KCNIP1: variants seen among roughly 807,000 people sequenced by gnomAD.
KCNIP1 encodes the protein potassium voltage-gated channel interacting protein 1, also known as A-type potassium channel modulatory protein KCNIP1.
KCNIP1 carries 18 observed loss-of-function variants against 33.0 expected under a neutral mutation model. That is an observed-to-expected ratio of 0.55 (90% CI 0.38 to 0.81). The LOEUF is 0.81. KCNIP1 is among the 30% of genes least tolerant of loss of function. The probability of loss-of-function intolerance (pLI) is 0.00; values close to 1 mark genes in which losing one functional copy is unlikely to be tolerated. For synonymous variants in KCNIP1, 93 were observed against 98.3 expected, an observed-to-expected ratio of 0.95 and a Z score of 0.32; for missense variants, 238 against 271.6, an observed-to-expected ratio of 0.88 and a Z score of 0.87.
At chr5:170,582,960 T>C (rs1757851504) in intron 1 of KCNIP1, among the ~76,000 whole-genome samples, 1 of 152,236 alleles carries the variant, frequency 6.6e-6, no homozygotes, top group South Asian at 2.1e-4. Context: ...ACTGATTAAA[T>C]GTATTTGACA....
At chr5:170,708,394 A>G (rs1763331569) in intron 1 of KCNIP1, among the ~76,000 whole-genome samples, 1 of 152,234 alleles carries the variant, frequency 6.6e-6, no homozygotes, top group Admixed American at 6.5e-5. Context: ...CTAGGAATAC[A>G]ATTTCAAGAG....
At chr5:170,453,053 G>C (rs964401791) in intron 1 of KCNIP1, among the ~76,000 whole-genome samples, 4 of 152,216 alleles carry the variant, frequency 2.6e-5, no homozygotes, top group Admixed American at 6.5e-5. Flanking sequence ...CACTTTGGCA[G>C]TTTAAATTAT....
chr5:170,541,763 G>C (rs146937233), intron 1 of KCNIP1, among the ~76,000 whole-genome samples: 2 of 151,908 alleles, frequency 1.3e-5, no homozygotes, highest in South Asian at 2.1e-4. Context: ...GTTCTGCCAT[G>C]TACAGGCTGA....
At chr5:170,478,243 C>T (rs753801186) in intron 1 of KCNIP1, among the ~76,000 whole-genome samples, 1 of 152,156 alleles carries the variant, frequency 6.6e-6, no homozygotes, top group Non-Finnish European at 1.5e-5. Context: ...TCATTTGATA[C>T]CTTTTGTAAG....
At chr5:170,410,417 C>T (rs1755154847) in intron 1 of KCNIP1, among the ~76,000 whole-genome samples, 1 of 149,708 alleles carries the variant, frequency 6.7e-6, no homozygotes, top group East Asian at 2.0e-4. Context: ...ATGGGTGCAC[C>T]GGGTCCCCCA....
intron 1 of KCNIP1, among the ~76,000 whole-genome samples, chr5:170,717,492 A>T (rs1001643896): frequency 1.3e-5 from 2 of 152,180 alleles, no homozygotes; most frequent in Non-Finnish European, 2.9e-5. Flanking sequence ...GCACATGAGA[A>T]AGATGGCAAT....
At chr5:170,376,416 G>A (rs920971750) in intron 1 of KCNIP1, 2 of 151,830 alleles carry the variant, frequency 1.3e-5, no homozygotes, top group Non-Finnish European at 2.9e-5. Flanking sequence ...GCCCACCTCG[G>A]CCTCCCAAAG....
chr5:170,719,830 C>T (rs995271006), intron 2 of KCNIP1, among the ~76,000 whole-genome samples: 10 of 152,108 alleles, frequency 6.6e-5, no homozygotes, highest in Admixed American at 4.6e-4. Context: ...AGTGGGCAGC[C>T]GAGTTGGAGA....
Position 170,735,862 on chromosome 5 carries a change from A to T in KCNIP1, c.*56A>T. On this transcript the variant is annotated 3_prime_UTR_variant, in exon 8 of 8. Coordinates refer to ENST00000328939, the MANE Select transcript of KCNIP1 (RefSeq NM_014592.4). ...GACATTGTACTAAACAACCACCTTAACACCCTGATCTGCCCTTGTTCTGAT... is the reference window on the plus strand; with the variant it reads ...GACATTGTACTAAACAACCACCTTATCACCCTGATCTGCCCTTGTTCTGAT... 1 of 1,453,576 alleles carries T rather than the reference A, an allele frequency of 6.9e-7. No homozygotes were observed. Among genetic ancestry groups the T allele is most frequent in the Non-Finnish European group, 9.7e-7 (1 of 1,035,070 alleles). 90.0% of individuals were successfully genotyped at this position (1,453,576 alleles called of 1,614,324 possible).
At chr5:170,527,423 T>G (rs1473965092) in intron 1 of KCNIP1, among the ~76,000 whole-genome samples, 1 of 151,944 alleles carries the variant, frequency 6.6e-6, no homozygotes, top group African/African-American at 2.4e-5. Context: ...TGGGTGAGAA[T>G]TCTCCAGACC....
intron 1 of KCNIP1, among the ~76,000 whole-genome samples, chr5:170,379,826 C>T (rs1007346722): frequency 3.3e-5 from 5 of 151,982 alleles, no homozygotes; most frequent in Non-Finnish European, 5.9e-5. Context: ...TGGTGGTGTA[C>T]CTGTAGTCCC....
chr5:170,594,535 G>C (rs989686460), intron 1 of KCNIP1, among the ~76,000 whole-genome samples: 5 of 152,112 alleles, frequency 3.3e-5, no homozygotes, highest in Non-Finnish European at 5.9e-5. Context: ...GTTTGAGACA[G>C]AGTCTCGCTC....
chr5:170,477,335 T>C (rs776077530), intron 1 of KCNIP1, among the ~76,000 whole-genome samples: 13 of 151,218 alleles, frequency 8.6e-5, no homozygotes, highest in South Asian at 2.1e-4. Flanking sequence ...TATATATATA[T>C]ACACATATAT....
At chr5:170,362,868 G>A (rs56186351) in intron 1 of KCNIP1, among the ~76,000 whole-genome samples, 25,828 of 152,198 alleles carry the variant, frequency 0.17, 2,284 homozygotes, top group Admixed American at 0.19. Flanking sequence ...ACTGCTCGGT[G>A]TCTGCAAAAC....
intron 1 of KCNIP1, among the ~76,000 whole-genome samples, chr5:170,429,027 G>A (rs1755681406): frequency 6.6e-6 from 1 of 152,090 alleles, no homozygotes; most frequent in African/African-American, 2.4e-5. Flanking sequence ...GGAGGCAGAG[G>A]TTGCGGTGAG....
At chr5:170,445,770 T>C (rs1371469854) in intron 1 of KCNIP1, among the ~76,000 whole-genome samples, 1 of 152,218 alleles carries the variant, frequency 6.6e-6, no homozygotes. Flanking sequence ...AGAGATCTCC[T>C]TGGATCTAAA....
At chr5:170,365,092 G>A (rs746547970) in intron 1 of KCNIP1, among the ~76,000 whole-genome samples, 11 of 152,160 alleles carry the variant, frequency 7.2e-5, no homozygotes, top group Non-Finnish European at 1.5e-4. Flanking sequence ...GTGAGGGCAG[G>A]GAATTTTGCC....
intron 1 of KCNIP1, among the ~76,000 whole-genome samples, chr5:170,367,375 AAGAAAGAAAGAAAGAAAG>A (rs1763700618): frequency 8.3e-6 from 1 of 120,362 alleles, no homozygotes; most frequent in African/African-American, 3.5e-5. Flanking sequence ...GAAAGAAAGA[AAGAAAGAAAGAAAGAAAG>A]AAAGAAAGAA....
chr5:170,398,245 G>A (rs1378926427), intron 1 of KCNIP1, among the ~76,000 whole-genome samples: 1 of 152,148 alleles, frequency 6.6e-6, no homozygotes, highest in East Asian at 1.9e-4. Flanking sequence ...AGATGGTTGG[G>A]AGGACCTTAA....
Sources: allele counts gnomAD v4.1 joint callset (sites outside exome capture counted in the v4.1 genomes callset), GRCh38; gene constraint gnomAD v4.1.1; transcripts MANE v1.5; gene names NCBI Gene and HGNC (gene_info 2026-07-23, HGNC 2026-07-21).